Variants in ORC4 observed in about 807,000 individuals in gnomAD.
The protein encoded by ORC4 is origin recognition complex, subunit 4 homolog.
ORC4 carries 55 observed loss-of-function variants against 63.9 expected under a neutral mutation model. That is an observed-to-expected ratio of 0.86 (90% CI 0.69 to 1.08). The LOEUF (loss-of-function observed/expected upper bound fraction) is 1.08. ORC4 is among the 50% of genes least tolerant of loss of function. ORC4 has a pLI of 0.00. For synonymous variants in ORC4, 150 were observed against 168.5 expected (o/e 0.89, Z 0.85); for missense variants, 511 against 504.4 (o/e 1.01, Z -0.13).
chr2:147,961,690 A>G (rs903493498), intron 4 of ORC4, among the ~76,000 whole-genome samples: 6 of 152,202 alleles, frequency 3.9e-5, no homozygotes, highest in African/African-American at 1.2e-4. Flanking sequence ...AGATTCCACT[A>G]TAGTGAAAAT....
chr2:147,998,151 G>A (rs1341135332), intron 1 of ORC4, among the ~76,000 whole-genome samples: 3 of 152,142 alleles, frequency 2.0e-5, no homozygotes, highest in Non-Finnish European at 4.4e-5. Context: ...TGGGTTATCT[G>A]TATTAGATAT....
chr2:147,973,790 T>C (rs753464059), intron 2 of ORC4, among the ~76,000 whole-genome samples: 1 of 152,156 alleles, frequency 6.6e-6, no homozygotes. Context: ...TTAGCTATAT[T>C]AGCAACTTAA....
intron 1 of ORC4, among the ~76,000 whole-genome samples, chr2:148,009,366 A>T (rs1326387043): frequency 6.6e-6 from 1 of 152,108 alleles, no homozygotes; most frequent in Non-Finnish European, 1.5e-5. Flanking sequence ...ATAGACTAAC[A>T]ACAAAAAGAC....
intron 1 of ORC4, among the ~76,000 whole-genome samples, chr2:148,015,927 G>A (rs942527507): frequency 6.6e-6 from 1 of 152,118 alleles, no homozygotes; most frequent in Non-Finnish European, 1.5e-5. Flanking sequence ...TGTAGTGGCA[G>A]GCCACTGGAA....
upstream of ORC4, chr2:148,021,510 GCTACTGCTGCTGCTT>G (rs1693728895): frequency 1.7e-6 from 1 of 575,202 alleles, no homozygotes. Context: ...TGCTGCTGCT[GCTACTGCTGCTGCTT>G]GGCCCTGGCT....
chr2:147,987,824 C>A (rs1398911231), intron 1 of ORC4, among the ~76,000 whole-genome samples: 2 of 151,980 alleles, frequency 1.3e-5, no homozygotes, highest in Non-Finnish European at 2.9e-5. Flanking sequence ...GAGGCCGAGG[C>A]GGGCAGATCA....
intron 1 of ORC4, among the ~76,000 whole-genome samples, chr2:147,977,214 T>C (rs1030121836): frequency 6.6e-6 from 1 of 152,192 alleles, no homozygotes; most frequent in Non-Finnish European, 1.5e-5. Flanking sequence ...AGGATTTGGA[T>C]CCAACCAAGT....
At chr2:147,958,438 C>G in intron 5 of ORC4, 55 bp from the exon 6 acceptor site, 1 of 1,301,694 alleles carries the variant, frequency 7.7e-7, no homozygotes, top group East Asian at 2.4e-5. Flanking sequence ...GTATTTGATA[C>G]AGCAGGTTGT....
At chr2:148,008,336 T>A (rs1692747285) in intron 1 of ORC4, among the ~76,000 whole-genome samples, 1 of 152,188 alleles carries the variant, frequency 6.6e-6, no homozygotes, top group African/African-American at 2.4e-5. Flanking sequence ...CTCTACCTTA[T>A]CTAGAGAACC....
intron 1 of ORC4, among the ~76,000 whole-genome samples, chr2:148,017,739 T>G (rs1173459766): frequency 6.6e-6 from 1 of 152,238 alleles, no homozygotes; most frequent in Admixed American, 6.5e-5. Context: ...GAAAGGTTTA[T>G]GTATCCGAGT....
intron 1 of ORC4, among the ~76,000 whole-genome samples, chr2:147,978,891 T>G (rs1177559144): frequency 6.6e-6 from 1 of 152,164 alleles, no homozygotes; most frequent in African/African-American, 2.4e-5. Flanking sequence ...CAGAAAAAGC[T>G]TCTAACAGAA....
intron 10 of ORC4, among the ~76,000 whole-genome samples, chr2:147,939,691 T>A (rs1003670293): frequency 1.3e-5 from 2 of 152,142 alleles, no homozygotes; most frequent in African/African-American, 4.8e-5. Context: ...AGCTGTTTTA[T>A]GTTCAATTGT....
At chr2:148,010,087 A>G (rs1692860868) in intron 1 of ORC4, among the ~76,000 whole-genome samples, 1 of 152,232 alleles carries the variant, frequency 6.6e-6, no homozygotes, top group Admixed American at 6.5e-5. Flanking sequence ...GAATTAAACA[A>G]TACGTGCCTG....
chr2:147,962,914 C>T lies in ORC4; in HGVS notation c.226-4048G>A, dbSNP rs762303699. Among the ~76,000 whole-genome samples the T allele has an allele frequency of 1.1e-4, 17 of 152,136 alleles. 1 individual carries two copies. The highest frequency in any genetic ancestry group is 1.7e-4 in the African/African-American group (7 of 41,426). The stretch of plus-strand genomic sequence containing the variant: ...CAGGCATGCCCCCAGCCCAGCCGAG[C>T]AGCCATGAGCCATGACCTGTACCTG... On this transcript the variant is annotated intron_variant, in intron 4 of 13. Transcript: ENST00000392857.
intron 1 of ORC4, among the ~76,000 whole-genome samples, chr2:147,989,954 C>T (rs1267163506): frequency 6.6e-6 from 1 of 152,046 alleles, no homozygotes; most frequent in Non-Finnish European, 1.5e-5. Context: ...TGAGGCAAAA[C>T]CTTACAGCTC....
chr2:148,001,067 T>G (rs1692270068), intron 1 of ORC4, among the ~76,000 whole-genome samples: 1 of 152,144 alleles, frequency 6.6e-6, no homozygotes, highest in African/African-American at 2.4e-5. Context: ...ACTGGGGTAG[T>G]GACAGCTACC....
chr2:148,016,864 ATC>A, intron 1 of ORC4, among the ~76,000 whole-genome samples: 1 of 152,254 alleles, frequency 6.6e-6, no homozygotes, highest in Non-Finnish European at 1.5e-5. Context: ...ATTTCTCAAA[ATC>A]AATAATGAAA....
At chr2:147,961,385 C>A (rs1689579507) in intron 4 of ORC4, among the ~76,000 whole-genome samples, 1 of 150,386 alleles carries the variant, frequency 6.6e-6, no homozygotes, top group Admixed American at 6.6e-5. Context: ...TGCAGTGAGT[C>A]TAGATCGTGC....
chr2:147,943,492 C>CT lies in ORC4; in HGVS notation c.792dup (p.Val265SerfsTer46), dbSNP rs1688486063. ...CTGATATTGAAATGCTTCTGTAGTA[C>CT]TTCTTGCACACTTCTATCTTCTGAG... is the stretch of plus-strand genomic sequence containing the variant. On this transcript the variant is annotated frameshift_variant, in exon 10 of 14. Coordinates refer to ENST00000392857, the MANE Select transcript of ORC4 (RefSeq NM_181741.4). LOFTEE classifies it high-confidence loss of function. The CT allele has an allele frequency of 6.4e-7, 1 of 1,559,240 alleles. No individual in the cohort carries two copies. Among genetic ancestry groups the CT allele is most frequent in the African/African-American group, 1.4e-5 (1 of 73,088 alleles).
Sources: gnomAD v4.1 joint callset for allele counts (sites outside exome capture counted in the v4.1 genomes callset) on GRCh38, gnomAD v4.1.1 for gene constraint, MANE v1.5 for transcripts, NCBI Gene and HGNC (gene_info 2026-07-23, HGNC 2026-07-21) for gene names.